Variants in RICTOR observed in about 807,000 individuals in gnomAD.
The protein encoded by RICTOR is rapamycin-insensitive companion of mTOR.
RICTOR carries 49 observed loss-of-function variants against 214.9 expected under a neutral mutation model. The ratio of observed to expected loss-of-function variants is 0.23; its 90% CI spans 0.18 to 0.29. The LOEUF is 0.29. Among genes scored for constraint, RICTOR ranks in the 10% least tolerant of loss-of-function variants. RICTOR has a pLI of 1.00. For synonymous variants in RICTOR, 717 were observed against 711.3 expected (o/e 1.01, Z -0.13); for missense variants, 1,625 against 2,047.0 (o/e 0.79, Z 3.98).
chr5:39,012,387 G>T (rs932252932), intron 3 of RICTOR, among the ~76,000 whole-genome samples: 1 of 152,134 alleles, frequency 6.6e-6, no homozygotes, highest in Admixed American at 6.5e-5. Flanking sequence ...GGAACTGTGA[G>T]TCAATTAAAC....
At chr5:39,043,615 C>G (rs1757308531) in intron 2 of RICTOR, among the ~76,000 whole-genome samples, 1 of 152,168 alleles carries the variant, frequency 6.6e-6, no homozygotes, top group African/African-American at 2.4e-5. Context: ...GGATTTTGAA[C>G]ATTCTCACCA....
Position 39,027,475 on chromosome 5 carries a change from AAGC to A in RICTOR, c.98-6342_98-6340del, listed in dbSNP as rs751893761. On this transcript the variant is annotated intron_variant, in intron 2 of 37. Coordinates refer to ENST00000357387, the MANE Select transcript of RICTOR (RefSeq NM_152756.5). ...TTGCTTTTATAAGTAAAAATGGAAA[AAGC>A]AGTTTAAAATAAATATAATAAATGT... 9.4e-4 allele frequency among the ~76,000 whole-genome samples: 143 copies of A among 152,246 alleles called. 1 individual carries two copies. The highest frequency in any genetic ancestry group is 1.6e-3 in the Non-Finnish European group (112 of 67,982).
chr5:39,007,940 G>A (rs1754205456), intron 3 of RICTOR, among the ~76,000 whole-genome samples: 1 of 150,706 alleles, frequency 6.6e-6, no homozygotes, highest in Non-Finnish European at 1.5e-5. Flanking sequence ...AAATGCACTA[G>A]GATCAAGATC....
At chr5:39,035,396 A>C (rs1169291922) in intron 2 of RICTOR, among the ~76,000 whole-genome samples, 1 of 152,216 alleles carries the variant, frequency 6.6e-6, no homozygotes, top group African/African-American at 2.4e-5. Context: ...AAAGCTGAAA[A>C]TTCTAAATAT....
Position 38,959,966 on chromosome 5 carries a change from A to T in RICTOR, c.1864T>A (p.Tyr622Asn), listed in dbSNP as rs1208004054. Residue 622 changes from tyrosine (Y) to asparagine (N), a missense_variant, in exon 21 of 38, where the codon TAC (tyrosine) becomes AAC (asparagine). By Grantham distance (143) the Tyr-to-Asn change is moderately radical (BLOSUM62 -2). Transcript: ENST00000357387. The stretch of plus-strand genomic sequence containing the variant: ...ATATCCTTTACTAGATCTTCTAAGT[A>T]GCCTTGCCCATCCTAAAAGTAAATA... ...LLESEEDGQGYLEDLVKDIVQ... is the reference protein window; with the variant it reads ...LLESEEDGQGNLEDLVKDIVQ... 3 of 1,606,450 alleles carry T rather than the reference A, an allele frequency of 1.9e-6. No homozygotes were observed. Among genetic ancestry groups the T allele is most frequent in the African/African-American group, 1.3e-5 (1 of 74,888 alleles).
chr5:39,019,962 A>G (rs1247882128), intron 3 of RICTOR, among the ~76,000 whole-genome samples: 1 of 152,190 alleles, frequency 6.6e-6, no homozygotes, highest in Non-Finnish European at 1.5e-5. Flanking sequence ...GAAGAAGTTT[A>G]TTCCAATACT....
Position 38,962,354 on chromosome 5 carries a change from T to C in RICTOR, c.1676A>G (p.Asn559Ser). The C allele has an allele frequency of 7.1e-7, 1 of 1,404,804 alleles. No individual in the cohort carries two copies. The highest frequency in any genetic ancestry group is 1.8e-5 in the Admixed American group (1 of 54,620). The allele number at this position is 1,404,804 out of a possible 1,614,324, so 87.0% of individuals were successfully genotyped here. A position where few individuals can be genotyped will look rare whatever the true frequency, so the allele number is the denominator to read the frequency against. ...ATCTTTATAGTTTCTTAGATTTACA[T>C]TTGGCCACTAGAAAAACATAATATG... ...NLIGTILKWP[N>S]VNLRNYKDEQ... Residue 559 changes from asparagine (N) to serine (S), a missense_variant, in exon 19 of 38, where the codon AAT becomes AGT. Physicochemically the swap from Asn to Ser is conservative, Grantham distance 46 (BLOSUM62 1). Around this residue, in one of 5 missense-constraint regions of RICTOR, gnomAD observed 1,214 missense variants for 1,470.5 expected, o/e 0.83. Coordinates refer to ENST00000357387, the MANE Select transcript of RICTOR (RefSeq NM_152756.5).
chr5:38,990,877 G>GATATATGATAA, intron 7 of RICTOR, 72 bp downstream of exon 7: 1 of 846,302 alleles, frequency 1.2e-6, no homozygotes, highest in South Asian at 1.9e-5. Context: ...ATATATGATA[G>GATATATGATAA]ATATATATAT....
chr5:38,982,183 G>A, intron 7 of RICTOR, 147 bp from the exon 8 acceptor site: 1 of 595,096 alleles, frequency 1.7e-6, no homozygotes, highest in Non-Finnish European at 3.0e-6. Flanking sequence ...AGGACAAGTG[G>A]AAAATGTAAG....
chr5:38,982,423 A>G (rs574861502), intron 7 of RICTOR, among the ~76,000 whole-genome samples: 2 of 152,298 alleles, frequency 1.3e-5, no homozygotes, highest in East Asian at 3.9e-4. Flanking sequence ...TTTATTAAAC[A>G]CACACATAGA....
At chr5:38,987,230 T>C (rs1752242418) in intron 7 of RICTOR, among the ~76,000 whole-genome samples, 1 of 152,200 alleles carries the variant, frequency 6.6e-6, no homozygotes, top group South Asian at 2.1e-4. Flanking sequence ...AGGATGGTAC[T>C]GGCCTCAAAA....
At chr5:39,033,420 C>T (rs1240823667) in intron 2 of RICTOR, among the ~76,000 whole-genome samples, 3 of 152,044 alleles carry the variant, frequency 2.0e-5, no homozygotes, top group Non-Finnish European at 4.4e-5. Flanking sequence ...TGTGCCACCA[C>T]GCCTGGCTAA....
At chr5:39,017,190 A>G (rs1034279418) in intron 3 of RICTOR, among the ~76,000 whole-genome samples, 12 of 152,154 alleles carry the variant, frequency 7.9e-5, no homozygotes, top group Non-Finnish European at 1.6e-4. Flanking sequence ...ATGTGGAACT[A>G]TATTATCTAG....
chr5:38,982,017 C>A lies in RICTOR; in HGVS notation c.603G>T (p.Val201=). ...TGTTTAGTCCACCTCGAAGGGCCACCACCTCTGGATTCTGAAGTGCTAAAA... is the reference window on the plus strand; with the variant it reads ...TGTTTAGTCCACCTCGAAGGGCCACAACCTCTGGATTCTGAAGTGCTAAAA... ...ICELALQNPE[V]VALRGGLNTI... The change falls in exon 8 of 38, where the codon GTG becomes GTT. Residue 201 remains valine, a synonymous_variant. Transcript: ENST00000357387. The A allele has an allele frequency of 6.2e-7, 1 of 1,611,954 alleles. No homozygotes were observed. Among genetic ancestry groups the A allele is most frequent in the Non-Finnish European group, 8.5e-7 (1 of 1,178,326 alleles).
At chr5:39,051,651 G>C (rs576478090) in intron 2 of RICTOR, among the ~76,000 whole-genome samples, 1 of 152,176 alleles carries the variant, frequency 6.6e-6, no homozygotes, top group Non-Finnish European at 1.5e-5. Context: ...CTACTTGGAG[G>C]CTGAGGCAGG....
intron 9 of RICTOR, among the ~76,000 whole-genome samples, chr5:38,976,113 A>G (rs1751211065): frequency 6.6e-6 from 1 of 152,230 alleles, no homozygotes; most frequent in South Asian, 2.1e-4. Context: ...CTTGACAATT[A>G]TGTACCCAAC....
intron 20 of RICTOR, 138 bp downstream of exon 20, chr5:38,960,260 G>A: frequency 1.1e-6 from 1 of 877,150 alleles, no homozygotes; most frequent in Non-Finnish European, 1.8e-6. Flanking sequence ...TCTAGGTCTG[G>A]GATCATTTCT....
At chr5:39,001,039 C>A (rs577186742) in intron 5 of RICTOR, among the ~76,000 whole-genome samples, 1 of 151,998 alleles carries the variant, frequency 6.6e-6, no homozygotes, top group Non-Finnish European at 1.5e-5. Flanking sequence ...CCAAATTAAT[C>A]TAGAGCATCA....
intron 26 of RICTOR, 55 bp downstream of exon 26, chr5:38,955,540 A>T (rs1460507678): frequency 2.1e-6 from 2 of 950,766 alleles, no homozygotes; most frequent in African/African-American, 1.6e-5. Flanking sequence ...AAACTCAGAA[A>T]TGTTAAAAAT....
Sources: gnomAD v4.1 joint callset for allele counts (sites outside exome capture counted in the v4.1 genomes callset) on GRCh38, gnomAD v4.1.1 for gene constraint, gnomAD v4.1.1 regional missense constraint, MANE v1.5 for transcripts, NCBI Gene and HGNC (gene_info 2026-07-23, HGNC 2026-07-21) for gene names.